CDCA7: variants seen among roughly 807,000 people sequenced by gnomAD.
CDCA7 encodes cell division cycle associated 7.
Under a neutral mutation model 54.0 loss-of-function variants are expected in CDCA7, and 28 were observed. The ratio of observed to expected loss-of-function variants is 0.52; its 90% confidence interval spans 0.38 to 0.71. CDCA7 has a LOEUF of 0.71. Ranked by LOEUF, CDCA7 falls within the 30% of genes least tolerant of loss-of-function variation. The pLI is 0.00. For missense variants in CDCA7, 484 were observed against 586.0 expected, an observed-to-expected ratio of 0.83 and a Z score of 1.80; for synonymous variants, 180 against 208.2, an observed-to-expected ratio of 0.86 and a Z score of 1.16.
intron 5 of CDCA7, 196 bp from the exon 6 acceptor site, chr2:173,364,599 G>GTAT (rs3217404): frequency 0.85 from 456,981 of 539,806 alleles, 194,324 homozygotes; most frequent in East Asian, 0.96. Flanking sequence ...ACTGGGCTTG[G>GTAT]TATTACAAAA....
chr2:173,360,624 T>C (rs1686601965), intron 3 of CDCA7, among the ~76,000 whole-genome samples: 1 of 152,082 alleles, frequency 6.6e-6, no homozygotes, highest in Non-Finnish European at 1.5e-5. Context: ...TACAGGCGTG[T>C]ACCACCATGC....
rs547493509 is a variant in CDCA7 at position 173,355,272 on chromosome 2, A to C, written c.21+288A>C. Among the ~76,000 whole-genome samples, 242 of 152,318 alleles carry C rather than the reference A, an allele frequency of 1.6e-3. 1 individual carries two copies. The highest frequency in any genetic ancestry group is 5.5e-3 in the African/African-American group (229 of 41,574). On this transcript the variant is annotated intron_variant, in intron 1 of 9. Transcript: ENST00000306721. Reference sequence around the variant, plus strand: ...AGCCCTAGGCACGTGCGTCCGCCAAAGGCCGGACAGCGGCCGGGAGCGCTG... The same window carrying C: ...AGCCCTAGGCACGTGCGTCCGCCAACGGCCGGACAGCGGCCGGGAGCGCTG...
At position 173,365,542 on chromosome 2, in the gene CDCA7, T is replaced by G; in HGVS notation, c.985T>G (p.Leu329Val). 1 of 1,614,018 alleles carries G rather than the reference T, an allele frequency of 6.2e-7. No homozygotes were observed. Among genetic ancestry groups the G allele is most frequent in the Non-Finnish European group, 8.5e-7 (1 of 1,180,006 alleles). ...RPVEEITEEE[L>V]ENVCSNSREK... ...AGTGGAAGAAATTACAGAGGAGGAGTTGGAGAACGTCTGCAGCAATTCTCG... is the reference window on the plus strand; with the variant it reads ...AGTGGAAGAAATTACAGAGGAGGAGGTGGAGAACGTCTGCAGCAATTCTCG... The change falls in exon 7 of 10, where the codon TTG (leucine) becomes GTG (valine). Residue 329 changes from leucine (L) to valine (V), a missense_variant. Around this residue, in one of 3 missense-constraint regions of CDCA7, gnomAD observed 398 missense variants for 447.4 expected, o/e 0.89. Coordinates refer to ENST00000306721, the MANE Select transcript of CDCA7 (RefSeq NM_031942.5).
intron 1 of CDCA7, among the ~76,000 whole-genome samples, chr2:173,355,340 C>A (rs1341125480): frequency 6.6e-6 from 1 of 152,190 alleles, no homozygotes; most frequent in Non-Finnish European, 1.5e-5. Context: ...AGCCTGCCTG[C>A]CCCCTGGGAG....
At position 173,362,059 on chromosome 2, in the gene CDCA7, C is replaced by T. The variant is rs551512724; in HGVS notation, c.385-1167C>T. On this transcript the variant is annotated intron_variant, in intron 3 of 9. Coordinates refer to ENST00000306721, the MANE Select transcript of CDCA7 (RefSeq NM_031942.5). ...GTCAAACTCCTGACGTCAGGTGATC[C>T]GCCTGCCCCGGCCTTCCAAAGTGCT... 1.7e-4 allele frequency among the ~76,000 whole-genome samples: 26 copies of T among 152,250 alleles called. 1 individual carries two copies. In the South Asian group the frequency reaches 5.2e-3, roughly 30 times the overall value.
intron 1 of CDCA7, among the ~76,000 whole-genome samples, chr2:173,355,817 A>G (rs1686491905): frequency 6.6e-6 from 1 of 152,102 alleles, no homozygotes; most frequent in South Asian, 2.1e-4. Context: ...ACGGAAGACA[A>G]TGACATGTTT....
At position 173,354,878 on chromosome 2, in the gene CDCA7, G is replaced by GCTGCTCCTC; in HGVS notation, c.-80_-72dup. ...CGCCCAGCCTGCCAGCCGCGCTGCT[G>GCTGCTCCTC]CTGCTCCTCCTGCTGTGGGACCGCT... On this transcript the variant is annotated 5_prime_UTR_variant, in exon 1 of 10. Coordinates refer to ENST00000306721, the MANE Select transcript of CDCA7 (RefSeq NM_031942.5). The GCTGCTCCTC allele has an allele frequency of 2.1e-6, 3 of 1,423,648 alleles. No homozygotes were observed. The South Asian group carries it at 4.1e-5, about 20-fold the overall frequency. 88.2% of individuals were successfully genotyped at this position (1,423,648 alleles called of 1,614,324 possible).
In CDCA7 at chr2:173,364,829, G is replaced by T; in HGVS notation, c.734G>T (p.Gly245Val). Reference sequence around the variant, plus strand: ...AGACCGCGAAGGCGTACATTCCCGGGTGTTGCTTCCAGGAGAAACCCTGAA... The same window carrying T: ...AGACCGCGAAGGCGTACATTCCCGGTTGTTGCTTCCAGGAGAAACCCTGAA... Reference protein sequence around the residue: ...SRRPRRRTFPGVASRRNPERR... With the variant: ...SRRPRRRTFPVVASRRNPERR... The change falls in exon 6 of 10, where the codon GGT becomes GTT. Residue 245 changes from glycine to valine, a missense_variant. By Grantham distance (109) the Gly-to-Val change is moderately radical. This residue lies in a region of CDCA7 where 398 missense variants were observed against 447.4 expected (regional missense o/e 0.89). Coordinates refer to ENST00000306721, the MANE Select transcript of CDCA7 (RefSeq NM_031942.5). The T allele has an allele frequency of 6.2e-7, 1 of 1,611,132 alleles. No homozygotes were observed. Among genetic ancestry groups the T allele is most frequent in the Non-Finnish European group, 8.5e-7 (1 of 1,179,062 alleles).
chr2:173,363,209 T>C lies in CDCA7; in HGVS notation c.385-17T>C. Reference sequence around the variant, plus strand: ...TGTCTGCTGATCAAGTCCTAATGACTCAATTGTTGTGATTAGAGGCTGCAG... The same window carrying C: ...TGTCTGCTGATCAAGTCCTAATGACCCAATTGTTGTGATTAGAGGCTGCAG... On this transcript the variant is annotated splice_polypyrimidine_tract_variant and intron_variant, in intron 3 of 9. Transcript: ENST00000306721. The C allele has an allele frequency of 1.2e-6, 2 of 1,611,968 alleles. No homozygotes were observed. Among genetic ancestry groups the C allele is most frequent in the Non-Finnish European group, 1.7e-6 (2 of 1,178,144 alleles).
rs765556479 is a variant in CDCA7, at chr2:173,366,323, C to G, written c.1076C>G (p.Thr359Ser). 1.2e-6 allele frequency: 2 copies of G among 1,612,992 alleles called. No individual in the cohort carries two copies. The highest frequency in any genetic ancestry group is 2.2e-5 in the East Asian group (1 of 44,764). ...CHQCRQKTIDTKTNCRNPDCW... is the reference protein window; with the variant it reads ...CHQCRQKTIDSKTNCRNPDCW... Reference sequence around the variant, plus strand: ...CAATGCCGTCAGAAGACTATTGATACCAAAACAAACTGCAGAAACCCAGAC... The same window carrying G: ...CAATGCCGTCAGAAGACTATTGATAGCAAAACAAACTGCAGAAACCCAGAC... The change falls in exon 8 of 10, where the codon ACC (threonine) becomes AGC (serine). Residue 359 changes from threonine (T) to serine (S), a missense_variant. Physicochemically the swap from Thr to Ser is moderately conservative, Grantham distance 58. Around this residue, in one of 3 missense-constraint regions of CDCA7, gnomAD observed 83 missense variants for 122.3 expected, o/e 0.68. Transcript: ENST00000306721. This position sits in a 1 kb window ranked among gnomAD's most constrained non-coding sequence, Gnocchi z 4.5.
chr2:173,363,967 AAATC>A, intron 5 of CDCA7, 72 bp downstream of exon 5: 1 of 1,390,138 alleles, frequency 7.2e-7, no homozygotes, highest in Non-Finnish European at 1.0e-6. Flanking sequence ...TTGTATTTAA[AAATC>A]TAATTTCTTT....
chr2:173,358,089 AC>A (rs749186297), intron 1 of CDCA7, among the ~76,000 whole-genome samples: 12 of 150,978 alleles, frequency 7.9e-5, no homozygotes, highest in Non-Finnish European at 1.6e-4. Context: ...AATCCCAGCT[AC>A]TCTGGAGGCT....
Position 173,363,415 on chromosome 2 carries a change from A to G in CDCA7, c.574A>G (p.Asn192Asp). The G allele has an allele frequency of 6.2e-7, 1 of 1,614,232 alleles. No individual in the cohort carries two copies. The highest frequency in any genetic ancestry group is 8.5e-7 in the Non-Finnish European group (1 of 1,180,040). ...NSDSEDESGMNFLEKRALNIK... is the reference protein window; with the variant it reads ...NSDSEDESGMDFLEKRALNIK... The stretch of plus-strand genomic sequence containing the variant: ...CGATTCAGAAGATGAAAGTGGAATG[A>G]ATTTTTTGGAGAAAAGGGCTTTAAA... The change falls in exon 4 of 10, where the codon AAT becomes GAT. Residue 192 changes from asparagine (N) to aspartate (D), a missense_variant. Physicochemically the swap from Asn to Asp is conservative, Grantham distance 23. This residue lies in a region of CDCA7 where 398 missense variants were observed against 447.4 expected (regional missense o/e 0.89). Transcript: ENST00000306721.
Position 173,354,971 on chromosome 2 carries a change from C to A in CDCA7, c.8C>A (p.Ala3Asp). ...TGGGCACCCGCCACCAGCATGGACGCTCGCCGCGTGCCGGTGAGGGCTGGG... is the reference window on the plus strand; with the variant it reads ...TGGGCACCCGCCACCAGCATGGACGATCGCCGCGTGCCGGTGAGGGCTGGG... Reference protein sequence around the residue: MDARRVPQKDLRV... With the variant: MDDRRVPQKDLRV... Residue 3 changes from alanine (A) to aspartate (D), a missense_variant, in exon 1 of 10, where the codon GCT becomes GAT. Transcript: ENST00000306721. 6.9e-7 allele frequency: 1 copy of A among 1,449,388 alleles called. No homozygotes were observed. Among genetic ancestry groups the A allele is most frequent in the Non-Finnish European group, 9.0e-7 (1 of 1,109,070 alleles). The allele number at this position is 1,449,388 out of a possible 1,614,324, so 89.8% of individuals were successfully genotyped here.
At chr2:173,367,066 A>C in intron 8 of CDCA7, 84 bp from the exon 9 acceptor site, 1 of 1,497,064 alleles carries the variant, frequency 6.7e-7, no homozygotes, top group Non-Finnish European at 8.9e-7. Context: ...TTTAACCATA[A>C]AGAAGGGGTT....
intron 1 of CDCA7, among the ~76,000 whole-genome samples, chr2:173,355,666 C>T (rs1467482637): frequency 1.4e-5 from 2 of 147,982 alleles, no homozygotes; most frequent in Non-Finnish European, 3.0e-5. Context: ...ACCCCAACCC[C>T]CAACCCCCCA....
Position 173,363,416 on chromosome 2 carries a change from A to T in CDCA7, c.575A>T (p.Asn192Ile). ...GATTCAGAAGATGAAAGTGGAATGA[A>T]TTTTTTGGAGAAAAGGGCTTTAAAT... ...NSDSEDESGM[N>I]FLEKRALNIK... Residue 192 changes from asparagine to isoleucine, a missense_variant, in exon 4 of 10, where the codon AAT becomes ATT. Around this residue, in one of 3 missense-constraint regions of CDCA7, gnomAD observed 398 missense variants for 447.4 expected, o/e 0.89. Coordinates refer to ENST00000306721, the MANE Select transcript of CDCA7 (RefSeq NM_031942.5). The T allele has an allele frequency of 1.2e-6, 2 of 1,614,150 alleles. No individual in the cohort carries two copies. The highest frequency in any genetic ancestry group is 1.7e-6 in the Non-Finnish European group (2 of 1,180,008).
At chr2:173,356,041 T>G (rs1686498116) in intron 1 of CDCA7, 1 of 152,252 alleles carries the variant, frequency 6.6e-6, no homozygotes, top group South Asian at 2.1e-4. Context: ...CTCAGTTTCC[T>G]CATTGGCTAA....
chr2:173,356,584 C>T (rs1386669196), intron 1 of CDCA7, among the ~76,000 whole-genome samples: 5 of 152,174 alleles, frequency 3.3e-5, no homozygotes, highest in Non-Finnish European at 7.4e-5. Context: ...AGTCACGGCT[C>T]ACTGCAGCCT....
Sources: allele counts gnomAD v4.1 joint callset (sites outside exome capture counted in the v4.1 genomes callset), GRCh38; gene constraint gnomAD v4.1.1; regional missense constraint gnomAD v4.1.1; non-coding constraint Gnocchi (gnomAD v3.1); transcripts MANE v1.5; gene names NCBI Gene and HGNC (gene_info 2026-07-23, HGNC 2026-07-21).